The following EPC1 variants were observed in gnomAD, a reference collection of about 807,000 sequenced individuals.
EPC1 encodes enhancer of polycomb 1, also known as enhancer of polycomb homolog 1.
Under a neutral mutation model 98.4 loss-of-function variants are expected in EPC1, and 12 were observed. That is an observed-to-expected ratio of 0.12 (90% CI 0.08 to 0.20). The LOEUF is 0.20. EPC1 is among the 10% of genes least tolerant of loss of function. The pLI is 1.00. For synonymous variants in EPC1, 357 were observed against 363.9 expected (o/e 0.98, Z 0.21); for missense variants, 729 against 990.5 (o/e 0.74, Z 3.54).
At chr10:32,277,037 G>C (rs1305687390) in intron 10 of EPC1, among the ~76,000 whole-genome samples, 4 of 152,034 alleles carry the variant, frequency 2.6e-5, no homozygotes, top group Non-Finnish European at 5.9e-5. Context: ...AAACTTCTGA[G>C]GTCACACATA....
chr10:32,327,469 C>G (rs903735207), intron 1 of EPC1, among the ~76,000 whole-genome samples: 1 of 152,056 alleles, frequency 6.6e-6, no homozygotes, highest in East Asian at 1.9e-4. Flanking sequence ...GTTCTCACAA[C>G]AAAGAAATGA....
intron 1 of EPC1, among the ~76,000 whole-genome samples, chr10:32,338,948 AAT>A (rs71982052): frequency 0.43 from 63,884 of 148,316 alleles, 16,377 homozygotes; most frequent in East Asian, 0.7. Flanking sequence ...AAAAAAAATA[AAT>A]AAATAAATAA....
At position 32,364,117 on chromosome 10, in the gene EPC1, T is replaced by C. The variant is rs561110558; in HGVS notation, c.3+14374A>G. On this transcript the variant is annotated intron_variant, in intron 1 of 13. Transcript: ENST00000375110. ...GCAACCTCTGTGTCCCGGGTTCAAG[T>C]GATTCTCCTGTCTTAGCCTCCCAAG... Among the ~76,000 whole-genome samples the C allele has an allele frequency of 5.9e-4, 86 of 145,674 alleles. No homozygotes were observed. The Middle Eastern group carries it at 0.015, about 25-fold the overall frequency.
rs745478466 is a variant in EPC1 at position 32,291,334 on chromosome 10, C to T, written c.816-12G>A. ...CGCCCAAATTATACCTAAAATTATA[C>T]AAATGAAAGTTTAAAATTATATATA... is the stretch of plus-strand genomic sequence containing the variant. On this transcript the variant is annotated splice_polypyrimidine_tract_variant and intron_variant, in intron 5 of 13. Coordinates refer to ENST00000319778, the MANE Select transcript of EPC1 (RefSeq NM_001272004.3). 5.7e-6 allele frequency: 9 copies of T among 1,589,650 alleles called. No individual in the cohort carries two copies. Among genetic ancestry groups the T allele is most frequent in the Non-Finnish European group, 7.7e-6 (9 of 1,164,140 alleles).
intron 6 of EPC1, among the ~76,000 whole-genome samples, chr10:32,289,661 T>C (rs1481724023): frequency 1.3e-5 from 2 of 151,910 alleles, no homozygotes; most frequent in African/African-American, 4.8e-5. Context: ...TCTCGCACTG[T>C]AGCCCAAGCT....
In EPC1 at chr10:32,287,126, G is replaced by T; in HGVS notation, c.1124C>A (p.Pro375His). 6.2e-7 allele frequency: 1 copy of T among 1,614,144 alleles called. No individual in the cohort carries two copies. The highest frequency in any genetic ancestry group is 8.5e-7 in the Non-Finnish European group (1 of 1,180,028). ...GGAGAGAGGTTCTTCGTCTGAGCTGGGAAAGTCATACTGATTCAGATCTTT... is the reference window on the plus strand; with the variant it reads ...GGAGAGAGGTTCTTCGTCTGAGCTGTGAAAGTCATACTGATTCAGATCTTT... ...NAKDLNQYDFPSSDEEPLSQV... is the reference protein window; with the variant it reads ...NAKDLNQYDFHSSDEEPLSQV... Residue 375 changes from proline (P) to histidine (H), a missense_variant, in exon 7 of 14, where the codon CCC becomes CAC. Pro to His is a moderately conservative substitution (Grantham distance 77). Coordinates refer to ENST00000319778, the MANE Select transcript of EPC1 (RefSeq NM_001272004.3).
At chr10:32,287,376 C>T in intron 6 of EPC1, 102 bp from the exon 7 acceptor site, 1 of 1,107,304 alleles carries the variant, frequency 9.0e-7, no homozygotes, top group Non-Finnish European at 1.3e-6. Flanking sequence ...ATAATGAGGG[C>T]ATTCATATTC....
At chr10:32,313,077 T>TA (rs965506767) in intron 1 of EPC1, among the ~76,000 whole-genome samples, 2 of 116,978 alleles carry the variant, frequency 1.7e-5, no homozygotes, top group Non-Finnish European at 4.0e-5. Flanking sequence ...GAAACTTAGA[T>TA]TTTTTTTTTT....
chr10:32,274,528 C>T (rs1835985129), intron 10 of EPC1, among the ~76,000 whole-genome samples: 1 of 151,600 alleles, frequency 6.6e-6, no homozygotes, highest in Admixed American at 6.6e-5. Flanking sequence ...TTCAAGAAAA[C>T]CTAATAAGTT....
intron 1 of EPC1, among the ~76,000 whole-genome samples, chr10:32,319,153 A>C (rs1388296663): frequency 6.6e-6 from 1 of 152,204 alleles, no homozygotes; most frequent in African/African-American, 2.4e-5. Context: ...AGTCTTCCAC[A>C]ATGATTATGT....
chr10:32,281,674 C>CT (rs397844842), intron 10 of EPC1: 87,730 of 146,674 alleles, frequency 0.6, 26,173 homozygotes, highest in East Asian at 0.72. Context: ...TACATTTTCT[C>CT]TTTTTTTTTT....
At chr10:32,320,102 T>C (rs552634170) in intron 1 of EPC1, among the ~76,000 whole-genome samples, 1 of 152,142 alleles carries the variant, frequency 6.6e-6, no homozygotes, top group Admixed American at 6.5e-5. Context: ...TGTTAACACG[T>C]CTGGGTAAAG....
upstream of EPC1, among the ~76,000 whole-genome samples, chr10:32,351,083 T>G (rs1839095882): frequency 6.6e-6 from 1 of 152,180 alleles, no homozygotes; most frequent in African/African-American, 2.4e-5. Flanking sequence ...TGGTGGCTAG[T>G]GGTAACCAAA....
intron 1 of EPC1, chr10:32,346,498 C>A: frequency 2.1e-6 from 1 of 481,052 alleles, no homozygotes; most frequent in Non-Finnish European, 3.7e-6. Flanking sequence ...CACGTGACCC[C>A]TTTGTGCCTT....
At chr10:32,285,739 A>T (rs1836646996) in intron 9 of EPC1, 1 of 152,194 alleles carries the variant, frequency 6.6e-6, no homozygotes, top group African/African-American at 2.4e-5. Flanking sequence ...TGGCCTCCCA[A>T]AGTGCTGGGA....
intron 2 of EPC1, among the ~76,000 whole-genome samples, chr10:32,299,210 G>A (rs1375361258): frequency 6.6e-6 from 1 of 151,918 alleles, no homozygotes; most frequent in Non-Finnish European, 1.5e-5. Context: ...TTTTGAGATG[G>A]AATCTCACGC....
rs530554600 is a variant in EPC1, at chr10:32,311,738, C to T, written c.154-5807G>A. Reference sequence around the variant, plus strand: ...CATACCTATGATAAAGCTTAATTTACGAATTAGGCACAATAAGTAACAATA... The same window carrying T: ...CATACCTATGATAAAGCTTAATTTATGAATTAGGCACAATAAGTAACAATA... On this transcript the variant is annotated intron_variant, in intron 1 of 13. Coordinates refer to ENST00000319778, the MANE Select transcript of EPC1 (RefSeq NM_001272004.3). 5.3e-5 allele frequency among the ~76,000 whole-genome samples: 8 copies of T among 152,106 alleles called. No homozygotes were observed. In the South Asian group the frequency reaches 6.2e-4, roughly 12 times the overall value.
At chr10:32,306,054 T>C (rs1835858584) in intron 1 of EPC1, 123 bp from the exon 2 acceptor site, 1 of 820,676 alleles carries the variant, frequency 1.2e-6, no homozygotes, top group African/African-American at 1.8e-5. Context: ...TAGTAGATCT[T>C]AAAAGCATGT....
At chr10:32,293,568 T>C (rs1470361030) in intron 3 of EPC1, 24 bp downstream of exon 3, 3 of 1,599,320 alleles carry the variant, frequency 1.9e-6, no homozygotes, top group Non-Finnish European at 1.7e-6. Context: ...TGTATATACT[T>C]GTTATATACA....
Sources: gnomAD v4.1 joint callset for allele counts (sites outside exome capture counted in the v4.1 genomes callset) on GRCh38, gnomAD v4.1.1 for gene constraint, MANE v1.5 for transcripts, NCBI Gene and HGNC (gene_info 2026-07-23, HGNC 2026-07-21) for gene names.